ABCA1: variants seen among roughly 807,000 people sequenced by gnomAD.
The protein encoded by ABCA1 is phospholipid-transporting ATPase ABCA1.
A neutral mutation model predicts 262.5 loss-of-function variants in ABCA1; 133 were observed. The ratio of observed to expected loss-of-function variants is 0.51; its 90% CI spans 0.44 to 0.59. The LOEUF (loss-of-function observed/expected upper bound fraction) is 0.59. ABCA1 is among the 20% of genes least tolerant of loss of function. ABCA1 has a pLI of 0.00. For missense variants in ABCA1, 2,452 were observed against 2,777.5 expected (o/e 0.88, Z 2.63); for synonymous variants, 1,022 against 1,043.5 (o/e 0.98, Z 0.40).
chr9:104,861,470 G>A, intron 6 of ABCA1: 2 of 640,564 alleles, frequency 3.1e-6, no homozygotes, highest in South Asian at 1.9e-5. Flanking sequence ...TTAACCAGCT[G>A]GCCCATGACG....
intron 5 of ABCA1, among the ~76,000 whole-genome samples, chr9:104,863,650 TA>T (rs1259204489): frequency 6.6e-6 from 1 of 152,220 alleles, no homozygotes; most frequent in Non-Finnish European, 1.5e-5. Flanking sequence ...TTGAGTTATA[TA>T]GACAGAATAA....
At position 104,888,076 on chromosome 9, in the gene ABCA1, T is replaced by G. The variant is rs183151455; in HGVS notation, c.160+1026A>C. On this transcript the variant is annotated intron_variant, in intron 3 of 49. Transcript: ENST00000374736. ...CTTGAGGGGTGTGTGTGTGTGTGTG[T>G]GTGTGTGTGTGTGTTTAATATGACT... Among the ~76,000 whole-genome samples the G allele has an allele frequency of 7.1e-4, 108 of 151,838 alleles. No homozygotes were observed. The East Asian group carries it at 0.018, about 25-fold the overall frequency.
chr9:104,814,558 G>GTA, intron 25 of ABCA1, 83 bp from the exon 26 acceptor site: 1 of 1,326,012 alleles, frequency 7.5e-7, no homozygotes, highest in Non-Finnish European at 1.1e-6. Flanking sequence ...ATATTACTGA[G>GTA]TGGCATGTTA....
At chr9:104,802,984 C>G (rs1830468895) in intron 33 of ABCA1, among the ~76,000 whole-genome samples, 1 of 152,170 alleles carries the variant, frequency 6.6e-6, no homozygotes, top group Non-Finnish European at 1.5e-5. Flanking sequence ...TAGACACCTG[C>G]AGGAGATTTC....
chr9:104,832,816 T>A (rs368991339), intron 11 of ABCA1, 45 bp from the exon 12 acceptor site: 14 of 1,583,218 alleles, frequency 8.8e-6, no homozygotes, highest in African/African-American at 4.0e-5. Flanking sequence ...ACCAACTAAA[T>A]CTTGAGGAGC....
intron 18 of ABCA1, among the ~76,000 whole-genome samples, chr9:104,823,225 C>G (rs1832527398): frequency 6.6e-6 from 1 of 152,154 alleles, no homozygotes; most frequent in Non-Finnish European, 1.5e-5. Context: ...TAAGGGGTAG[C>G]ATGAAGGAGC....
intron 6 of ABCA1, among the ~76,000 whole-genome samples, chr9:104,861,195 T>A (rs1197045018): frequency 1.3e-5 from 2 of 152,204 alleles, no homozygotes; most frequent in African/African-American, 4.8e-5. Flanking sequence ...TCCTATTTAA[T>A]GCAAAGCAAG....
In ABCA1 at chr9:104,831,000, C is replaced by T; in HGVS notation, c.1817G>A (p.Arg606Lys). Reference sequence around the variant, plus strand: ...TTTCTTCTCGGTGCCCGTCAGCACCCTGATGATTGCCTGCTCCACCACATC... The same window carrying T: ...TTTCTTCTCGGTGCCCGTCAGCACCTTGATGATTGCCTGCTCCACCACATC... ...LQDVVEQAII[R>K]VLTGTEKKTG... Residue 606 changes from arginine to lysine, a missense_variant, in exon 14 of 50, where the codon AGG becomes AAG. Physicochemically the swap from Arg to Lys is conservative, Grantham distance 26 (BLOSUM62 2). This residue lies in a region of ABCA1 where 1,032 missense variants were observed against 1,089.7 expected (regional missense o/e 0.95). Coordinates refer to ENST00000374736, the MANE Select transcript of ABCA1 (RefSeq NM_005502.4). 6.2e-7 allele frequency: 1 copy of T among 1,613,960 alleles called. No individual in the cohort carries two copies. The highest frequency in any genetic ancestry group is 8.5e-7 in the Non-Finnish European group (1 of 1,179,984).
At position 104,832,563 on chromosome 9, in the gene ABCA1, A is replaced by T. The variant is rs986430105; in HGVS notation, c.1509+11T>A. On this transcript the variant is annotated intron_variant, in intron 12 of 49. Coordinates refer to ENST00000374736, the MANE Select transcript of ABCA1 (RefSeq NM_005502.4). ...TAAGTCTTTTCTAAATGATCCCAGC[A>T]ACAGATTCACCTCCATGAAGCGAGA... is the stretch of plus-strand genomic sequence containing the variant. 6.2e-7 allele frequency: 1 copy of T among 1,614,056 alleles called. No homozygotes were observed. The highest frequency in any genetic ancestry group is 1.3e-5 in the African/African-American group (1 of 74,938).
chr9:104,824,733 T>C (rs956168895), intron 17 of ABCA1, among the ~76,000 whole-genome samples, 155 bp from the exon 18 acceptor site: 2 of 152,144 alleles, frequency 1.3e-5, no homozygotes, highest in Non-Finnish European at 2.9e-5. Flanking sequence ...TGCTGAAACC[T>C]GCTATGTACA....
rs1836680532 is a variant in ABCA1 at position 104,862,681 on chromosome 9, G to GGCAGC, written c.422-882_422-881insGCTGC. Among the ~76,000 whole-genome samples, 10 of 1,852 alleles carry GGCAGC rather than the reference G, an allele frequency of 5.4e-3. 2 individuals are homozygous for GGCAGC. Among genetic ancestry groups the GGCAGC allele is most frequent in the African/African-American group, 0.015 (10 of 648 alleles). 1.2% of individuals were successfully genotyped at this position (1,852 alleles called of 152,430 possible). A position where few individuals can be genotyped will look rare whatever the true frequency, so the allele number is the denominator to read the frequency against. ...GGCCGGGCCGGGCCGGGCCGGGCCGGGCCGGGCCGGGCCGGGCCGGCCCCC... is the reference window on the plus strand; with the variant it reads ...GGCCGGGCCGGGCCGGGCCGGGCCGGGCAGCGCCGGGCCGGGCCGGGCCGGCCCCC... On this transcript the variant is annotated intron_variant, in intron 5 of 49. Transcript: ENST00000374736.
intron 5 of ABCA1, among the ~76,000 whole-genome samples, chr9:104,876,072 C>G (rs1434497815): frequency 6.6e-6 from 1 of 152,178 alleles, no homozygotes; most frequent in Admixed American, 6.5e-5. Context: ...TTGCTGAGTT[C>G]CATGTACAGT....
chr9:104,873,067 G>A (rs1010955256), intron 5 of ABCA1, among the ~76,000 whole-genome samples: 1 of 152,004 alleles, frequency 6.6e-6, no homozygotes, highest in African/African-American at 2.4e-5. Flanking sequence ...CCTGGTTTCT[G>A]AGATGCAGCC....
In ABCA1 at chr9:104,787,963, G is replaced by C. The variant is rs753554858; in HGVS notation, c.6161C>G (p.Ser2054Cys). 2 of 1,614,214 alleles carry C rather than the reference G, an allele frequency of 1.2e-6. No individual in the cohort carries two copies. Among genetic ancestry groups the C allele is most frequent in the South Asian group, 2.2e-5 (2 of 91,088 alleles). Residue 2054 changes from serine (S) to cysteine (C), a missense_variant, in exon 46 of 50, where the codon TCT (serine) becomes TGT (cysteine). By Grantham distance (112) the Ser-to-Cys change is moderately radical. Around this residue, in one of 4 missense-constraint regions of ABCA1, gnomAD observed 752 missense variants for 944.5 expected, o/e 0.80. Transcript: ENST00000374736. ...NYSGGNKRKL[S>C]TAMALIGGPP... ...CCCGCCGATCAAAGCCATGGCTGTA[G>C]AGAGCTTGCGTTTGTTGCCTCCACT...
Position 104,825,702 on chromosome 9 carries a change from G to A in ABCA1, c.2523C>T (p.Tyr841=), listed in dbSNP as rs373109624. 1 of 1,614,086 alleles carries A rather than the reference G, an allele frequency of 6.2e-7. No individual in the cohort carries two copies. Among genetic ancestry groups the A allele is most frequent in the African/African-American group, 1.3e-5 (1 of 74,926 alleles). ...DTFLYGVMTW[Y]IEAVFPGQYG... ...GTGTACCTGGAAAGACAGCCTCAAT[G>A]TACCAGGTCATCACCCCATAGAGGA... The change falls in exon 17 of 50, where the codon TAC becomes TAT. Residue 841 remains tyrosine, a synonymous_variant. Coordinates refer to ENST00000374736, the MANE Select transcript of ABCA1 (RefSeq NM_005502.4).
chr9:104,813,658 C>T (rs1046069333), intron 27 of ABCA1, among the ~76,000 whole-genome samples: 24 of 152,294 alleles, frequency 1.6e-4, no homozygotes, highest in South Asian at 4.1e-4. Flanking sequence ...GGTGATCTAC[C>T]CACCTCAGCC....
intron 2 of ABCA1, among the ~76,000 whole-genome samples, chr9:104,890,572 C>G (rs1365045136): frequency 2.0e-5 from 3 of 151,534 alleles, no homozygotes; most frequent in African/African-American, 7.3e-5. Context: ...CAGAGAGAGA[C>G]TCCGTCTCAA....
Position 104,819,651 on chromosome 9 carries a change from G to A in ABCA1, c.3176C>T (p.Pro1059Leu). Residue 1059 changes from proline to leucine, a missense_variant, in exon 22 of 50, where the codon CCC becomes CTC. Around this residue, in one of 4 missense-constraint regions of ABCA1, gnomAD observed 665 missense variants for 727.3 expected, o/e 0.91. Coordinates refer to ENST00000374736, the MANE Select transcript of ABCA1 (RefSeq NM_005502.4). Reference sequence around the variant, plus strand: ...GGAGTAAGGGTCCACACCAGCTGTGGGTTCATCCAGAATGACAACCTTAGA... The same window carrying A: ...GGAGTAAGGGTCCACACCAGCTGTGAGTTCATCCAGAATGACAACCTTAGA... ...GGSKVVILDE[P>L]TAGVDPYSRR... The A allele has an allele frequency of 1.2e-6, 2 of 1,614,158 alleles. No individual in the cohort carries two copies. Among genetic ancestry groups the A allele is most frequent in the Non-Finnish European group, 1.7e-6 (2 of 1,180,034 alleles).
chr9:104,896,570 AG>A (rs971686550), intron 2 of ABCA1, among the ~76,000 whole-genome samples: 7 of 152,062 alleles, frequency 4.6e-5, no homozygotes, highest in African/African-American at 1.7e-4. Flanking sequence ...AGAGGCAAAA[AG>A]GTAAGTGGGG....
Sources: allele counts gnomAD v4.1 joint callset (sites outside exome capture counted in the v4.1 genomes callset), GRCh38; gene constraint gnomAD v4.1.1; regional missense constraint gnomAD v4.1.1; transcripts MANE v1.5; gene names NCBI Gene and HGNC (gene_info 2026-07-23, HGNC 2026-07-21).